USP24: variants seen among roughly 807,000 people sequenced by gnomAD.
The protein encoded by USP24 is ubiquitin specific peptidase 24, also known as ubiquitin carboxyl-terminal hydrolase 24.
Under a neutral mutation model 361.6 loss-of-function variants are expected in USP24, and 97 were observed. The observed-to-expected ratio is 0.27, with a 90% CI of 0.23 to 0.32. USP24 has a LOEUF of 0.32. USP24 is among the 10% of genes least tolerant of loss of function. The probability of loss-of-function intolerance (pLI) is 1.00; values close to 1 mark genes in which losing one functional copy is unlikely to be tolerated. For synonymous variants in USP24, 1,098 were observed against 1,124.6 expected (o/e 0.98, Z 0.47); for missense variants, 2,353 against 3,165.6 (o/e 0.74, Z 6.16).
chr1:55,095,256 G>C lies in USP24; in HGVS notation c.6202C>G (p.Leu2068Val). 1 of 1,613,586 alleles carries C rather than the reference G, an allele frequency of 6.2e-7. No individual in the cohort carries two copies. Among genetic ancestry groups the C allele is most frequent in the Non-Finnish European group, 8.5e-7 (1 of 1,179,732 alleles). ...AAATTACATGGAAGAGACACTTACA[G>C]AGAGAGATCCTCAGCTTCCTGCCGT... is the stretch of plus-strand genomic sequence containing the variant. ...VVRQEAEDLSLSAPSSPEISP... is the reference protein window; with the variant it reads ...VVRQEAEDLSVSAPSSPEISP... Residue 2068 changes from leucine (L) to valine (V), a missense_variant and splice_region_variant, in exon 51 of 68, where the codon CTG (leucine) becomes GTG (valine). Coordinates refer to ENST00000294383, the MANE Select transcript of USP24 (RefSeq NM_015306.3).
chr1:55,069,009 TTG>T lies in USP24; in HGVS notation c.*34_*35del, dbSNP rs775761401. On this transcript the variant is annotated 3_prime_UTR_variant, in exon 68 of 68. Transcript: ENST00000294383. ...CCAAGAAGGTGCTGAGCATCCAGTA[TTG>T]TGTCTTGACTCCTCTCAGGCTGGGC... The T allele has an allele frequency of 2.5e-6, 4 of 1,609,294 alleles. No homozygotes were observed. The highest frequency in any genetic ancestry group is 1.3e-5 in the African/African-American group (1 of 74,846).
At chr1:55,203,910 T>C (rs1052046394) in intron 1 of USP24, among the ~76,000 whole-genome samples, 15 of 152,198 alleles carry the variant, frequency 9.9e-5, no homozygotes, top group African/African-American at 3.1e-4. Flanking sequence ...ATACATTACA[T>C]ACATATGTGT....
rs563208474 is a variant in USP24, at chr1:55,138,520, A to G, written c.2928+88T>C. ...TGTTTACCAAACTACCTTTAGAATG[A>G]TTATTCATGCAGCTAACTCAATCAA... On this transcript the variant is annotated intron_variant, in intron 26 of 67. Transcript: ENST00000294383. 126 of 905,252 alleles carry G rather than the reference A, an allele frequency of 1.4e-4. 3 individuals carry two copies. The South Asian group carries it at 2.2e-3, about 16-fold the overall frequency. The allele number at this position is 905,252 out of a possible 1,614,324, so 56.1% of individuals were successfully genotyped here.
chr1:55,151,856 G>A, intron 16 of USP24: 6 of 968,668 alleles, frequency 6.2e-6, no homozygotes, highest in Non-Finnish European at 7.4e-6. Context: ...ATCAGTTGGG[G>A]GAATAGAGGT....
chr1:55,165,081 AG>A (rs1039279684), intron 7 of USP24, among the ~76,000 whole-genome samples: 1 of 152,038 alleles, frequency 6.6e-6, no homozygotes, highest in African/African-American at 2.4e-5. Context: ...TCTCTCCTTG[AG>A]CATTGCTATT....
At position 55,143,009 on chromosome 1, in the gene USP24, A is replaced by G. The variant is rs1646932221; in HGVS notation, c.2550T>C (p.Ser850=). 1 of 1,520,522 alleles carries G rather than the reference A, an allele frequency of 6.6e-7. No homozygotes were observed. The highest frequency in any genetic ancestry group is 1.4e-5 in the African/African-American group (1 of 71,516). 94.2% of individuals were successfully genotyped at this position (1,520,522 alleles called of 1,614,324 possible). A position where few individuals can be genotyped will look rare whatever the true frequency, so the allele number is the denominator to read the frequency against. The change falls in exon 22 of 68, where the codon AGT becomes AGC. Residue 850 remains serine (S), a synonymous_variant. Transcript: ENST00000294383. ...NEAIQLIINY[S]YINLNPRLKK... ...TTAATCTAGGATTTAGATTAATGTAACTATAGTTTATGATTAGCTGAATAG... is the reference window on the plus strand; with the variant it reads ...TTAATCTAGGATTTAGATTAATGTAGCTATAGTTTATGATTAGCTGAATAG...
chr1:55,115,460 C>A (rs1485197640), intron 38 of USP24, among the ~76,000 whole-genome samples: 1 of 134,510 alleles, frequency 7.4e-6, no homozygotes, highest in Non-Finnish European at 1.5e-5. Flanking sequence ...CCCGCCACTG[C>A]ACTCCAGCCT....
At chr1:55,142,835 T>C in intron 22 of USP24, 40 bp from the exon 23 acceptor site, 1 of 1,454,804 alleles carries the variant, frequency 6.9e-7, no homozygotes, top group South Asian at 1.3e-5. Context: ...TCCTTGACAT[T>C]TAGTTGTAAT....
At chr1:55,149,094 A>C (rs1296849230) in intron 16 of USP24, among the ~76,000 whole-genome samples, 1 of 152,208 alleles carries the variant, frequency 6.6e-6, no homozygotes, top group Non-Finnish European at 1.5e-5. Context: ...CACTTTCATA[A>C]GAGGTAATTC....
chr1:55,207,214 C>A (rs1300112444), intron 1 of USP24, among the ~76,000 whole-genome samples: 1 of 150,774 alleles, frequency 6.6e-6, no homozygotes, highest in Non-Finnish European at 1.5e-5. Flanking sequence ...TATAGATTAC[C>A]AACTATAGTT....
intron 49 of USP24, 128 bp from the exon 50 acceptor site, chr1:55,096,750 T>G (rs902535071): frequency 1.4e-6 from 2 of 1,409,872 alleles, no homozygotes; most frequent in Admixed American, 2.4e-5. Context: ...CTAAGAAATA[T>G]GTAGCAACAA....
intron 20 of USP24, 31 bp from the exon 21 acceptor site, chr1:55,144,234 G>A (rs1300155750): frequency 1.4e-6 from 2 of 1,406,426 alleles, no homozygotes; most frequent in African/African-American, 1.4e-5. Flanking sequence ...ATAAATTCAT[G>A]TACTCTACGT....
chr1:55,169,330 G>A (rs1323321854), intron 5 of USP24, among the ~76,000 whole-genome samples: 2 of 152,008 alleles, frequency 1.3e-5, no homozygotes, highest in Non-Finnish European at 2.9e-5. Context: ...GGGTCACAGA[G>A]GACAGAATGA....
At chr1:55,160,701 T>C (rs989348710) in intron 8 of USP24, among the ~76,000 whole-genome samples, 2 of 152,222 alleles carry the variant, frequency 1.3e-5, no homozygotes, top group East Asian at 1.9e-4. Context: ...TAAGGTACAC[T>C]CTGTTTACAT....
chr1:55,150,479 A>G (rs1175301547), intron 16 of USP24, among the ~76,000 whole-genome samples: 1 of 152,298 alleles, frequency 6.6e-6, no homozygotes, highest in Non-Finnish European at 1.5e-5. Flanking sequence ...CTACACTATA[A>G]AAGTTGCAAA....
At chr1:55,114,555 GGAACA>G (rs1273678564) in intron 38 of USP24, among the ~76,000 whole-genome samples, 1 of 152,078 alleles carries the variant, frequency 6.6e-6, no homozygotes, top group African/African-American at 2.4e-5. Flanking sequence ...ACAGACCAAT[GGAACA>G]GAACAGAAGC....
At chr1:55,088,640 C>G (rs912221083) in intron 55 of USP24, among the ~76,000 whole-genome samples, 1 of 151,916 alleles carries the variant, frequency 6.6e-6, no homozygotes, top group South Asian at 2.1e-4. Flanking sequence ...TGAAGTCGAG[C>G]GGTAAGGAGT....
intron 38 of USP24, among the ~76,000 whole-genome samples, chr1:55,117,298 T>C (rs1419496995): frequency 6.6e-6 from 1 of 152,168 alleles, no homozygotes; most frequent in Admixed American, 6.5e-5. Context: ...CCACTTCTAT[T>C]CAACGTAGTA....
intron 32 of USP24, among the ~76,000 whole-genome samples, chr1:55,128,679 C>A (rs1233548309): frequency 6.6e-6 from 1 of 151,364 alleles, no homozygotes; most frequent in East Asian, 1.9e-4. Context: ...CTCCTCCTCA[C>A]AAGTACTTTT....
Sources: allele counts gnomAD v4.1 joint callset (sites outside exome capture counted in the v4.1 genomes callset), GRCh38; gene constraint gnomAD v4.1.1; transcripts MANE v1.5; gene names NCBI Gene and HGNC (gene_info 2026-07-23, HGNC 2026-07-21).